PCDHGA2: variants seen among roughly 807,000 people sequenced by gnomAD.
PCDHGA2 encodes the protein protocadherin gamma subfamily A, 2, also known as protocadherin gamma-A2.
PCDHGA2 carries 40 observed loss-of-function variants against 59.2 expected under a neutral mutation model. The observed-to-expected ratio is 0.68, with a 90% CI of 0.52 to 0.88. PCDHGA2 has a LOEUF of 0.88. PCDHGA2 is among the 40% of genes least tolerant of loss of function. The pLI is 0.00. For synonymous variants in PCDHGA2, 560 were observed against 526.0 expected (o/e 1.06, Z -0.89); for missense variants, 1,226 against 1,204.0 (o/e 1.02, Z -0.27).
intron 1 of PCDHGA2, chr5:141,423,860 G>A: frequency 7.8e-7 from 1 of 1,283,074 alleles, no homozygotes; most frequent in Non-Finnish European, 9.9e-7. Context: ...ACGTTTTTGT[G>A]AAAGTCATTT....
intron 1 of PCDHGA2, chr5:141,355,806 C>G (rs1759989019): frequency 6.2e-7 from 1 of 1,613,258 alleles, no homozygotes; most frequent in East Asian, 2.2e-5. Flanking sequence ...CTCTAGATCG[C>G]GAGGAAGAGG....
intron 1 of PCDHGA2, among the ~76,000 whole-genome samples, chr5:141,382,009 A>G (rs1219907347): frequency 6.6e-6 from 1 of 151,376 alleles, no homozygotes; most frequent in African/African-American, 2.4e-5. Flanking sequence ...TTGTATTTTT[A>G]GTAGAGACGG....
intron 1 of PCDHGA2, among the ~76,000 whole-genome samples, chr5:141,452,522 A>G (rs924248463): frequency 6.6e-6 from 1 of 152,310 alleles, no homozygotes; most frequent in African/African-American, 2.4e-5. Context: ...CTCCCTCAAA[A>G]TCGTGAGTTC....
intron 1 of PCDHGA2, chr5:141,366,903 C>T (rs1018569016): frequency 6.8e-5 from 80 of 1,174,592 alleles, no homozygotes; most frequent in Non-Finnish European, 8.5e-5. Context: ...TTCATGCTTT[C>T]TCCATTTGTT....
intron 1 of PCDHGA2, among the ~76,000 whole-genome samples, chr5:141,447,165 G>T (rs1192617600): frequency 6.6e-6 from 1 of 151,842 alleles, no homozygotes; most frequent in African/African-American, 2.4e-5. Flanking sequence ...TTTAAGCGGG[G>T]TCTTGCTCTT....
chr5:141,383,941 A>G (rs754217444), intron 1 of PCDHGA2: 1 of 1,613,742 alleles, frequency 6.2e-7, no homozygotes, highest in African/African-American at 1.3e-5. Flanking sequence ...TCCAGAAGTG[A>G]CTATGACGTC....
At chr5:141,472,729 T>G (rs2099294506) in intron 1 of PCDHGA2, among the ~76,000 whole-genome samples, 1 of 152,004 alleles carries the variant, frequency 6.6e-6, no homozygotes. Context: ...CTCACACCTG[T>G]AATCCCAGCA....
At chr5:141,379,558 A>G (rs917784555) in intron 1 of PCDHGA2, 4 of 152,206 alleles carry the variant, frequency 2.6e-5, no homozygotes, top group African/African-American at 7.2e-5. Flanking sequence ...ACTACTTTTC[A>G]TGGAGATCAG....
intron 1 of PCDHGA2, chr5:141,421,895 G>T: frequency 2.5e-6 from 4 of 1,613,730 alleles, no homozygotes; most frequent in Non-Finnish European, 3.4e-6. Context: ...GATCCCATCC[G>T]AAAGGGCGCA....
At chr5:141,395,186 G>A in intron 1 of PCDHGA2, 1 of 1,614,086 alleles carries the variant, frequency 6.2e-7, no homozygotes, top group Non-Finnish European at 8.5e-7. Flanking sequence ...ATGATTCTTT[G>A]TTAACATCCG....
At chr5:141,403,208 A>T (rs763459005) in intron 1 of PCDHGA2, 2 of 1,613,962 alleles carry the variant, frequency 1.2e-6, no homozygotes, top group Non-Finnish European at 1.7e-6. Flanking sequence ...CACCTTGGTC[A>T]CCGCGGGTAG....
chr5:141,395,177 T>A (rs1325466781), intron 1 of PCDHGA2: 1 of 1,614,120 alleles, frequency 6.2e-7, no homozygotes, highest in Non-Finnish European at 8.5e-7. Context: ...GTGAGAAAAA[T>A]GATTCTTTGT....
intron 1 of PCDHGA2, chr5:141,344,673 G>T: frequency 3.1e-6 from 5 of 1,613,990 alleles, no homozygotes; most frequent in Non-Finnish European, 3.4e-6. Context: ...TGTCCTGGTT[G>T]CCTCTGATGG....
intron 1 of PCDHGA2, chr5:141,375,116 C>T (rs754682469): frequency 3.7e-6 from 6 of 1,613,886 alleles, no homozygotes; most frequent in Non-Finnish European, 4.2e-6. Flanking sequence ...TGATAATGTA[C>T]CAGAAGTGGT....
intron 1 of PCDHGA2, chr5:141,357,321 T>A (rs1203319140): frequency 6.2e-7 from 1 of 1,613,998 alleles, no homozygotes; most frequent in Non-Finnish European, 8.5e-7. Flanking sequence ...TCCTGGCTTT[T>A]GTCACGGTGC....
intron 1 of PCDHGA2, chr5:141,346,559 T>C: frequency 6.8e-7 from 1 of 1,479,268 alleles, no homozygotes. Flanking sequence ...CATGAGGTTG[T>C]CATTAGTCCT....
intron 1 of PCDHGA2, chr5:141,356,720 T>C: frequency 6.2e-7 from 1 of 1,614,006 alleles, no homozygotes. Context: ...TATGTCTCCA[T>C]CAACTCCAAT....
intron 1 of PCDHGA2, among the ~76,000 whole-genome samples, chr5:141,472,611 G>T (rs1055885253): frequency 1.3e-5 from 2 of 151,938 alleles, no homozygotes; most frequent in South Asian, 4.1e-4. Context: ...ATAAAACAAA[G>T]AAGAAAAAAG....
At chr5:141,450,599 G>T (rs569531886) in intron 1 of PCDHGA2, among the ~76,000 whole-genome samples, 11 of 150,286 alleles carry the variant, frequency 7.3e-5, no homozygotes, top group African/African-American at 2.7e-4. Flanking sequence ...CAATTCTCCT[G>T]CCTCAGCCTC....
Sources: allele counts gnomAD v4.1 joint callset (sites outside exome capture counted in the v4.1 genomes callset), GRCh38; gene constraint gnomAD v4.1.1; transcripts MANE v1.5; gene names NCBI Gene and HGNC (gene_info 2026-07-23, HGNC 2026-07-21).